PSMG1: variants seen among roughly 807,000 people sequenced by gnomAD.
PSMG1 encodes the protein proteasome assembly chaperone 1, also known as Down syndrome critical region gene 2.
A neutral mutation model predicts 37.2 loss-of-function variants in PSMG1; 23 were observed. The observed-to-expected ratio is 0.62, with a 90% CI of 0.44 to 0.88. PSMG1 has a LOEUF of 0.88. PSMG1 is among the 40% of genes least tolerant of loss of function. The pLI, the probability that PSMG1 is intolerant of heterozygous loss-of-function variation, is 0.00. For missense variants in PSMG1, 340 were observed against 344.2 expected (o/e 0.99, Z 0.10); for synonymous variants, 127 against 128.0 (o/e 0.99, Z 0.05).
In PSMG1 at chr21:39,183,302, C is replaced by T. The variant is rs1052913852; in HGVS notation, c.84G>A (p.Arg28=). 1.9e-6 allele frequency: 3 copies of T among 1,586,096 alleles called. No homozygotes were observed. Among genetic ancestry groups the T allele is most frequent in the South Asian group, 1.1e-5 (1 of 87,120 alleles). Residue 28 remains arginine (R), a synonymous_variant, in exon 1 of 7, where the codon CGG becomes CGA. Coordinates refer to ENST00000331573, the MANE Select transcript of PSMG1 (RefSeq NM_003720.4). Reference sequence around the variant, plus strand: ...CCTCCCTGTCCTCGGGCGTCTCCCTCCGCCCCTCCTCCTCCTCCTCTTCGT... The same window carrying T: ...CCTCCCTGTCCTCGGGCGTCTCCCTTCGCCCCTCCTCCTCCTCCTCTTCGT... The part of the protein sequence containing the change: ...TEDEEEEEEG[R]RETPEDREVR...
At position 39,181,844 on chromosome 21, in the gene PSMG1, A is replaced by G. The variant is rs1175632413; in HGVS notation, c.169T>C (p.Ser57Pro). Residue 57 changes from serine (S) to proline (P), a missense_variant, in exon 2 of 7, where the codon TCT (serine) becomes CCT (proline). Physicochemically the swap from Ser to Pro is moderately conservative, Grantham distance 74. Coordinates refer to ENST00000331573, the MANE Select transcript of PSMG1 (RefSeq NM_003720.4). ...VRLLRRQTKT[S>P]LEVSLLEKYP... is the part of the protein sequence containing the mutation. ...TTTTCTAGCAAAGAAACTTCCAAAG[A>G]TGTTTTTGTTTGTCTTCGAAGGAGC... The G allele has an allele frequency of 6.3e-7, 1 of 1,593,444 alleles. No homozygotes were observed. Among genetic ancestry groups the G allele is most frequent in the African/African-American group, 1.4e-5 (1 of 73,768 alleles).
chr21:39,181,869 C>T lies in PSMG1; in HGVS notation c.144G>A (p.Arg48=), dbSNP rs2030840059. ...ATGTTTTTGTTTGTCTTCGAAGGAG[C>T]CGCACTTCCCTAACACAAGAAACAA... ...RLQLARKREV[R]LLRRQTKTSL... is the part of the protein sequence containing the mutation. The change falls in exon 2 of 7, where the codon CGG becomes CGA. Residue 48 remains arginine, a synonymous_variant. Transcript: ENST00000331573. 1.3e-6 allele frequency: 2 copies of T among 1,579,786 alleles called. No homozygotes were observed. The highest frequency in any genetic ancestry group is 8.6e-7 in the Non-Finnish European group (1 of 1,167,948).
At chr21:39,178,378 C>A in intron 5 of PSMG1, 71 bp downstream of exon 5, 2 of 1,404,042 alleles carry the variant, frequency 1.4e-6, no homozygotes, top group Non-Finnish European at 2.0e-6. Flanking sequence ...CTCAAAAAGA[C>A]CTCTAATGGT....
Position 39,175,432 on chromosome 21 carries a change from C to A in PSMG1, c.*158G>T. On this transcript the variant is annotated 3_prime_UTR_variant, in exon 7 of 7. Coordinates refer to ENST00000331573, the MANE Select transcript of PSMG1 (RefSeq NM_003720.4). ...CTTATTTTGGTTGTGAATAATACCA[C>A]CATAAATAAGGAATTAAAACTACAA... 8.6e-7 allele frequency: 1 copy of A among 1,158,250 alleles called. No individual in the cohort carries two copies. Among genetic ancestry groups the A allele is most frequent in the East Asian group, 3.3e-5 (1 of 30,660 alleles). The allele number at this position is 1,158,250 out of a possible 1,614,324, so 71.7% of individuals were successfully genotyped here. A position where few individuals can be genotyped will look rare whatever the true frequency, so the allele number is the denominator to read the frequency against.
intron 1 of PSMG1, 25 bp from the exon 2 acceptor site, chr21:39,181,903 T>C (rs760600486): frequency 6.6e-7 from 1 of 1,510,060 alleles, no homozygotes; most frequent in South Asian, 1.3e-5. Context: ...AAGATGAAAC[T>C]AAAGCAACTT....
At chr21:39,183,147 C>T (rs2030927139) in intron 1 of PSMG1, 105 bp downstream of exon 1, 6 of 1,347,702 alleles carry the variant, frequency 4.5e-6, no homozygotes, top group Non-Finnish European at 5.8e-6. Flanking sequence ...ACCGCGGGGG[C>T]CACTCGGAAG....
rs145022066 is a variant in PSMG1 at position 39,178,580 on chromosome 21, T to A, written c.524A>T (p.Tyr175Phe). The change falls in exon 5 of 7, where the codon TAT becomes TTT. Residue 175 changes from tyrosine (Y) to phenylalanine (F), a missense_variant. Physicochemically the swap from Tyr to Phe is conservative, Grantham distance 22. Transcript: ENST00000331573. Reference protein sequence around the residue: ...TILTCRHVTDYKTSESTGSLP... With the variant: ...TILTCRHVTDFKTSESTGSLP... ...GCTGCCGGTGGATTCTGAGGTTTTA[T>A]AATCGGTAACATGTCGACATGTGAG... 2.9e-5 allele frequency: 47 copies of A among 1,614,062 alleles called. No homozygotes were observed. In the African/African-American group the frequency reaches 6.3e-4, roughly 22 times the overall value.
intron 4 of PSMG1, 82 bp from the exon 5 acceptor site, chr21:39,178,729 C>G: frequency 1.6e-6 from 2 of 1,261,676 alleles, no homozygotes; most frequent in Non-Finnish European, 2.2e-6. Flanking sequence ...ATTCACCTAA[C>G]ACCACAGACA....
intron 1 of PSMG1, among the ~76,000 whole-genome samples, chr21:39,182,178 C>T (rs950667764): frequency 4.6e-5 from 7 of 152,148 alleles, no homozygotes; most frequent in Non-Finnish European, 8.8e-5. Context: ...ACAGAAAGCA[C>T]CACTTAGTAG....
At chr21:39,183,115 G>T in intron 1 of PSMG1, 137 bp downstream of exon 1, 1 of 1,136,754 alleles carries the variant, frequency 8.8e-7, no homozygotes, top group Non-Finnish European at 1.2e-6. Flanking sequence ...CAGGGCCCAA[G>T]CAGAGCCAAG....
At chr21:39,181,523 A>C (rs923169940) in intron 2 of PSMG1, among the ~76,000 whole-genome samples, 2 of 151,346 alleles carry the variant, frequency 1.3e-5, no homozygotes, top group African/African-American at 4.8e-5. Flanking sequence ...TGGGAAGCTG[A>C]GGCAGGAGGA....
In PSMG1 at chr21:39,179,645, T is replaced by A. The variant is rs545233324; in HGVS notation, c.456+279A>T. 5.3e-5 allele frequency among the ~76,000 whole-genome samples: 8 copies of A among 152,116 alleles called. No homozygotes were observed. The South Asian group carries it at 1.7e-3, about 32-fold the overall frequency. ...GCGGGAGGAATCCAATTGTGTTTTA[T>A]ACTTCTGTGACCTACCATCCTCAAT... On this transcript the variant is annotated intron_variant, in intron 4 of 6. Coordinates refer to ENST00000331573, the MANE Select transcript of PSMG1 (RefSeq NM_003720.4).
At chr21:39,179,147 GC>G (rs1281168821) in intron 4 of PSMG1, among the ~76,000 whole-genome samples, 1 of 152,094 alleles carries the variant, frequency 6.6e-6, no homozygotes, top group African/African-American at 2.4e-5. Context: ...ATGATTGGAG[GC>G]TCCTGAGGCC....
intron 6 of PSMG1, among the ~76,000 whole-genome samples, chr21:39,176,139 C>T (rs949000760): frequency 8.5e-5 from 13 of 152,324 alleles, no homozygotes; most frequent in East Asian, 3.9e-4. Flanking sequence ...TCAGAAACAA[C>T]GAACTGACTC....
rs199591509 is a variant in PSMG1 at position 39,175,567 on chromosome 21, A to G, written c.*23T>C. On this transcript the variant is annotated 3_prime_UTR_variant, in exon 7 of 7. Transcript: ENST00000331573. ...CCTTAAAGGAATGGACAAGTAATAT[A>G]CACTACAAAACAATGTTTAAGATCA... The G allele has an allele frequency of 2.5e-4, 390 of 1,581,810 alleles. 4 individuals are homozygous for G. The African/African-American group carries it at 3.9e-3, about 16-fold the overall frequency.
intron 6 of PSMG1, among the ~76,000 whole-genome samples, chr21:39,176,410 T>A (rs1457512228): frequency 6.6e-6 from 1 of 152,214 alleles, no homozygotes; most frequent in African/African-American, 2.4e-5. Context: ...CCCCTGCCCA[T>A]GGGAACTCAT....
rs1339157784 is a variant in PSMG1, at chr21:39,177,455, T to C, written c.772A>G (p.Ser258Gly). 6.3e-7 allele frequency: 1 copy of C among 1,598,882 alleles called. No homozygotes were observed. Reference protein sequence around the residue: ...EAFKPILSTRSLKGLVKNIPQ... With the variant: ...EAFKPILSTRGLKGLVKNIPQ... Reference sequence around the variant, plus strand: ...CTTACCTTAACCAAACCCTTCAAGCTTCTGGTAGAAAGTATAGGCTTAAAA... The same window carrying C: ...CTTACCTTAACCAAACCCTTCAAGCCTCTGGTAGAAAGTATAGGCTTAAAA... Residue 258 changes from serine to glycine, a missense_variant, in exon 6 of 7, where the codon AGC (serine) becomes GGC (glycine). Transcript: ENST00000331573.
intron 1 of PSMG1, among the ~76,000 whole-genome samples, chr21:39,182,487 GA>G (rs2030878091): frequency 6.6e-6 from 1 of 152,184 alleles, no homozygotes. Flanking sequence ...AAACGTGAGT[GA>G]GCATGGACTA....
At chr21:39,183,230 T>C (rs1417964215) in intron 1 of PSMG1, 22 bp downstream of exon 1, 3 of 1,559,080 alleles carry the variant, frequency 1.9e-6, no homozygotes, top group Non-Finnish European at 8.7e-7. Flanking sequence ...GTGAGCGCGC[T>C]GCCCTTATCC....
Sources: allele counts gnomAD v4.1 joint callset (sites outside exome capture counted in the v4.1 genomes callset), GRCh38; gene constraint gnomAD v4.1.1; transcripts MANE v1.5; gene names NCBI Gene and HGNC (gene_info 2026-07-23, HGNC 2026-07-21).